The following ABCB10 variants were observed in gnomAD, a reference collection of about 807,000 sequenced individuals.
ABCB10 encodes the protein ATP-binding cassette sub-family B member 10, mitochondrial.
ABCB10 carries 54 observed loss-of-function variants against 65.4 expected under a neutral mutation model. The ratio of observed to expected loss-of-function variants is 0.83; its 90% confidence interval spans 0.66 to 1.04. ABCB10 has a LOEUF of 1.04. Among genes scored for constraint, ABCB10 ranks in the 50% least tolerant of loss-of-function variants. ABCB10 has a pLI of 0.00. For synonymous variants in ABCB10, 418 were observed against 406.5 expected, an observed-to-expected ratio of 1.03 and a Z score of -0.34; for missense variants, 846 against 976.6, an observed-to-expected ratio of 0.87 and a Z score of 1.78.
At chr1:229,518,752 C>A in intron 12 of ABCB10, 89 bp downstream of exon 12, 1 of 1,120,628 alleles carries the variant, frequency 8.9e-7, no homozygotes, top group South Asian at 1.5e-5. Context: ...TCAGTTGTAT[C>A]ACTTTGAGGT....
chr1:229,551,076 GC>G lies in ABCB10; in HGVS notation c.518-1643del, dbSNP rs1025709962. ...TTGTGGGCATGAGCCACTGCACCCA[GC>G]AAAAAGTATTACTGTTATATAACCT... On this transcript the variant is annotated intron_variant, in intron 1 of 12. Coordinates refer to ENST00000344517, the MANE Select transcript of ABCB10 (RefSeq NM_012089.3). Among the ~76,000 whole-genome samples, 35 of 152,270 alleles carry G rather than the reference GC, an allele frequency of 2.3e-4. 1 individual carries two copies. Among genetic ancestry groups the G allele is most frequent in the African/African-American group, 8.4e-4 (35 of 41,544 alleles).
chr1:229,557,957 T>G (rs557551598), intron 1 of ABCB10, among the ~76,000 whole-genome samples, 179 bp downstream of exon 1: 22 of 152,196 alleles, frequency 1.4e-4, no homozygotes, highest in African/African-American at 4.6e-4. Context: ...TAAGGCGAAA[T>G]CTTGACAACG....
intron 6 of ABCB10, among the ~76,000 whole-genome samples, chr1:229,536,080 G>A (rs1047760035): frequency 1.2e-4 from 18 of 152,152 alleles, no homozygotes; most frequent in African/African-American, 4.1e-4. Flanking sequence ...TTAATAGGGA[G>A]GCTGTGCATG....
At chr1:229,557,432 G>C (rs1021769676) in intron 1 of ABCB10, among the ~76,000 whole-genome samples, 34 of 152,294 alleles carry the variant, frequency 2.2e-4, no homozygotes, top group African/African-American at 8.2e-4. Context: ...TGAAGATTTA[G>C]AGAAATCGAA....
Position 229,549,246 on chromosome 1 carries a change from T to G in ABCB10, c.706A>C (p.Met236Leu). 1 of 1,613,960 alleles carries G rather than the reference T, an allele frequency of 6.2e-7. No individual in the cohort carries two copies. Among genetic ancestry groups the G allele is most frequent in the Non-Finnish European group, 8.5e-7 (1 of 1,179,960 alleles). The part of the protein sequence containing the change: ...AAANAIRVYL[M>L]QTSGQRIVNR... ...GAGAGACTGTTACCTGAAGTTTGCA[T>G]GAGGTAGACACGAATGGCATTGGCG... The change falls in exon 2 of 13, where the codon ATG becomes CTG. Residue 236 changes from methionine to leucine, a missense_variant. Around this residue, in one of 2 missense-constraint regions of ABCB10, gnomAD observed 632 missense variants for 803.2 expected, o/e 0.79. Transcript: ENST00000344517.
intron 6 of ABCB10, among the ~76,000 whole-genome samples, chr1:229,534,830 C>CCACTG (rs1169184015): frequency 1.4e-5 from 2 of 142,282 alleles, no homozygotes; most frequent in Non-Finnish European, 3.0e-5. Flanking sequence ...CAAGACCGCG[C>CCACTG]CACTGCACTC....
rs1178529433 is a variant in ABCB10 at position 229,530,217 on chromosome 1, A to G, written c.1627T>C (p.Leu543=). 15 of 1,613,860 alleles carry G rather than the reference A, an allele frequency of 9.3e-6. No individual in the cohort carries two copies. In the Admixed American group the frequency reaches 1.0e-4, roughly 11 times the overall value. The stretch of plus-strand genomic sequence containing the variant: ...TGCTTACCAGAAGCAGGGTCGTACA[A>G]CCTCAGCAGGAGTGAAAGCACTGTT... ...KSTVLSLLLR[L]YDPASGTISL... The change falls in exon 8 of 13, where the codon TTG becomes CTG. Residue 543 remains leucine, a synonymous_variant. Coordinates refer to ENST00000344517, the MANE Select transcript of ABCB10 (RefSeq NM_012089.3).
Position 229,558,485 on chromosome 1 carries a change from G to T in ABCB10, c.168C>A (p.Pro56=). The T allele has an allele frequency of 1.5e-6, 2 of 1,297,288 alleles. No homozygotes were observed. Among genetic ancestry groups the T allele is most frequent in the Non-Finnish European group, 9.8e-7 (1 of 1,022,320 alleles). The allele number at this position is 1,297,288 out of a possible 1,614,324, so 80.4% of individuals were successfully genotyped here. ...LRPARLWGAG[P]ALLWGVGAAR... ...CGGCTCCAACGCCCCAGAGCAGCGC[G>T]GGCCCCGCGCCCCATAGCCGCGCCG... The change falls in exon 1 of 13, where the codon CCC becomes CCA. Residue 56 remains proline (P), a synonymous_variant. Transcript: ENST00000344517.
intron 9 of ABCB10, 66 bp downstream of exon 9, chr1:229,527,163 A>G: frequency 6.7e-7 from 1 of 1,491,000 alleles, no homozygotes; most frequent in Non-Finnish European, 9.2e-7. Flanking sequence ...ACAAAAAAAA[A>G]AAAAAGCAAA....
chr1:229,542,113 C>A, intron 4 of ABCB10, 124 bp downstream of exon 4: 168 of 1,248,876 alleles, frequency 1.3e-4, no homozygotes, highest in East Asian at 5.3e-4. Context: ...GGGGTAATTT[C>A]TAATGAAAGG....
At chr1:229,526,738 G>A (rs974874162) in intron 9 of ABCB10, among the ~76,000 whole-genome samples, 3 of 152,218 alleles carry the variant, frequency 2.0e-5, no homozygotes, top group African/African-American at 7.2e-5. Context: ...CTGCCCCAAA[G>A]GGTCTTGTGA....
At chr1:229,518,499 G>T in intron 12 of ABCB10, 89 bp from the exon 13 acceptor site, 3 of 1,081,636 alleles carry the variant, frequency 2.8e-6, no homozygotes, top group South Asian at 2.9e-5. Context: ...CCTGAGCAAT[G>T]AATTTTTACC....
chr1:229,554,107 T>C (rs1384170710), intron 1 of ABCB10, among the ~76,000 whole-genome samples: 1 of 152,068 alleles, frequency 6.6e-6, no homozygotes, highest in East Asian at 1.9e-4. Context: ...TTTAGACATG[T>C]TTGGTTTGCT....
At chr1:229,525,909 T>G in intron 10 of ABCB10, 27 bp downstream of exon 10, 1 of 1,580,648 alleles carries the variant, frequency 6.3e-7, no homozygotes, top group Non-Finnish European at 8.6e-7. Flanking sequence ...TATAGAGACT[T>G]TGCTACAAAG....
chr1:229,536,110 A>G (rs1662716319), intron 6 of ABCB10, among the ~76,000 whole-genome samples: 1 of 151,960 alleles, frequency 6.6e-6, no homozygotes, highest in Admixed American at 6.6e-5. Flanking sequence ...AGGGGTATAC[A>G]CCCCTATCTC....
At chr1:229,534,795 TG>T (rs1052482014) in intron 6 of ABCB10, among the ~76,000 whole-genome samples, 1 of 135,082 alleles carries the variant, frequency 7.4e-6, no homozygotes. Context: ...CGCTTGAACC[TG>T]GGGGGGTGGA....
chr1:229,529,206 T>C (rs1662513110), intron 8 of ABCB10, among the ~76,000 whole-genome samples: 1 of 132,626 alleles, frequency 7.5e-6, no homozygotes, highest in South Asian at 2.4e-4. Context: ...GGCAGGAGAA[T>C]GGCGTGAACC....
intron 6 of ABCB10, among the ~76,000 whole-genome samples, chr1:229,537,364 T>C (rs757667267): frequency 1.3e-5 from 2 of 152,252 alleles, no homozygotes; most frequent in African/African-American, 2.4e-5. Context: ...TTTTTACCCC[T>C]AGTATGTCTT....
At position 229,542,226 on chromosome 1, in the gene ABCB10, G is replaced by A. The variant is rs757502244; in HGVS notation, c.1056+11C>T. 6 of 1,613,398 alleles carry A rather than the reference G, an allele frequency of 3.7e-6. No individual in the cohort carries two copies. The highest frequency in any genetic ancestry group is 1.1e-5 in the South Asian group (1 of 90,954). ...CTGCTGGAAACCACGCGGACAGGAA[G>A]GGGCCTTTACCTGAGTGGCTTGTGC... On this transcript the variant is annotated intron_variant, in intron 4 of 12. Transcript: ENST00000344517.
Sources: allele counts gnomAD v4.1 joint callset (sites outside exome capture counted in the v4.1 genomes callset), GRCh38; gene constraint gnomAD v4.1.1; regional missense constraint gnomAD v4.1.1; transcripts MANE v1.5; gene names NCBI Gene and HGNC (gene_info 2026-07-23, HGNC 2026-07-21).